INVS: variants seen among roughly 807,000 people sequenced by gnomAD.
INVS encodes the protein inversin, also known as inversion of embryo turning homolog.
A neutral mutation model predicts 108.8 loss-of-function variants in INVS; 86 were observed. The ratio of observed to expected loss-of-function variants is 0.79; its 90% CI spans 0.66 to 0.95. INVS has a LOEUF of 0.95. INVS is among the 40% of genes least tolerant of loss of function. INVS has a pLI of 0.00. For missense variants in INVS, 1,169 were observed against 1,297.4 expected, an observed-to-expected ratio of 0.90 and a Z score of 1.52; for synonymous variants, 455 against 473.5, an observed-to-expected ratio of 0.96 and a Z score of 0.51.
intron 3 of INVS, among the ~76,000 whole-genome samples, chr9:100,176,515 T>C (rs920145407): frequency 6.6e-6 from 1 of 152,154 alleles, no homozygotes; most frequent in Non-Finnish European, 1.5e-5. Flanking sequence ...CTCGCACTGC[T>C]GCCTGGGCTA....
chr9:100,228,604 G>A (rs951511454), intron 4 of INVS, among the ~76,000 whole-genome samples: 2 of 152,128 alleles, frequency 1.3e-5, no homozygotes, highest in Admixed American at 6.5e-5. Context: ...TGACTGGGCC[G>A]CTTTCTCTTT....
At chr9:100,178,321 A>G (rs1829778709) in intron 3 of INVS, among the ~76,000 whole-genome samples, 1 of 152,182 alleles carries the variant, frequency 6.6e-6, no homozygotes, top group Non-Finnish European at 1.5e-5. Context: ...GTGGGCAATA[A>G]TAAACTCCTC....
Position 100,292,204 on chromosome 9 carries a change from G to T in INVS, c.2069-122G>T, listed in dbSNP as rs1006629617. The T allele has an allele frequency of 8.9e-6, 8 of 900,382 alleles. No individual in the cohort carries two copies. In the Admixed American group the frequency reaches 1.1e-4, roughly 13 times the overall value. 55.8% of individuals were successfully genotyped at this position (900,382 alleles called of 1,614,324 possible). A position where few individuals can be genotyped will look rare whatever the true frequency, so the allele number is the denominator to read the frequency against. On this transcript the variant is annotated intron_variant, in intron 13 of 16. Coordinates refer to ENST00000262457, the MANE Select transcript of INVS (RefSeq NM_014425.5). ...TAGAAGTTAAACCGTTTTTTTCCTA[G>T]TCTGTAACTGCCACTATTATGGTGA... is the stretch of plus-strand genomic sequence containing the variant.
chr9:100,288,305 T>C (rs1833506877), intron 13 of INVS, among the ~76,000 whole-genome samples: 1 of 152,164 alleles, frequency 6.6e-6, no homozygotes. Flanking sequence ...TCTCAGCCTA[T>C]CTCCTGACTA....
chr9:100,210,908 T>C (rs1830811543), intron 3 of INVS, among the ~76,000 whole-genome samples: 1 of 152,080 alleles, frequency 6.6e-6, no homozygotes, highest in African/African-American at 2.4e-5. Flanking sequence ...AACAGACTTT[T>C]TTTTTAAGCT....
chr9:100,182,595 C>T (rs544172695), intron 3 of INVS, among the ~76,000 whole-genome samples: 3 of 152,162 alleles, frequency 2.0e-5, no homozygotes, highest in African/African-American at 7.2e-5. Context: ...CATCTCATGC[C>T]AGTTAGAATG....
At chr9:100,242,372 G>A (rs538446646) in intron 6 of INVS, among the ~76,000 whole-genome samples, 198 bp from the exon 7 acceptor site, 4 of 152,286 alleles carry the variant, frequency 2.6e-5, no homozygotes, top group African/African-American at 9.6e-5. Context: ...TAAGTTTTTA[G>A]TAAGTTTTCA....
At position 100,292,092 on chromosome 9, in the gene INVS, A is replaced by G. The variant is rs1833634754; in HGVS notation, c.2069-234A>G. On this transcript the variant is annotated intron_variant, in intron 13 of 16. Coordinates refer to ENST00000262457, the MANE Select transcript of INVS (RefSeq NM_014425.5). ...AGAGTTCCTTTATTTTCTTAAAGGCATGACAGTGCTTTCCAAAGGATATCC... is the reference window on the plus strand; with the variant it reads ...AGAGTTCCTTTATTTTCTTAAAGGCGTGACAGTGCTTTCCAAAGGATATCC... Among the ~76,000 whole-genome samples, 5 of 152,182 alleles carry G rather than the reference A, an allele frequency of 3.3e-5. No homozygotes were observed. The South Asian group carries it at 1.0e-3, about 32-fold the overall frequency.
At chr9:100,155,630 G>T (rs1828951687) in intron 3 of INVS, among the ~76,000 whole-genome samples, 1 of 152,184 alleles carries the variant, frequency 6.6e-6, no homozygotes, top group Admixed American at 6.5e-5. Context: ...CAGCCACTGG[G>T]CCCAGCCCAA....
At chr9:100,123,342 A>C (rs1205099360) in intron 2 of INVS, among the ~76,000 whole-genome samples, 1 of 152,202 alleles carries the variant, frequency 6.6e-6, no homozygotes, top group Non-Finnish European at 1.5e-5. Flanking sequence ...TTTCACATAA[A>C]TATAATTATA....
chr9:100,155,398 A>G (rs995833985), intron 3 of INVS, among the ~76,000 whole-genome samples: 4 of 152,144 alleles, frequency 2.6e-5, no homozygotes, highest in African/African-American at 9.7e-5. Context: ...GTGTAGTGGT[A>G]CAATCTTGGC....
At chr9:100,100,680 AATATATATATT>A (rs1826837509) in intron 1 of INVS, among the ~76,000 whole-genome samples, 3 of 40,762 alleles carry the variant, frequency 7.4e-5, no homozygotes, top group African/African-American at 4.8e-4. Flanking sequence ...ATGTACATAT[AATATATATATT>A]ATATATGTAC....
At chr9:100,279,153 G>A (rs1424414007) in intron 12 of INVS, among the ~76,000 whole-genome samples, 1 of 152,210 alleles carries the variant, frequency 6.6e-6, no homozygotes, top group Non-Finnish European at 1.5e-5. Context: ...AGAAATGGAA[G>A]CCGGATTGAA....
chr9:100,203,440 C>A (rs1001144879), intron 3 of INVS, among the ~76,000 whole-genome samples: 1 of 147,464 alleles, frequency 6.8e-6, no homozygotes, highest in Non-Finnish European at 1.5e-5. Context: ...AAAAGAAATA[C>A]AAATTATAAA....
intron 3 of INVS, among the ~76,000 whole-genome samples, chr9:100,169,158 TC>T (rs1413795774): frequency 6.6e-6 from 1 of 152,200 alleles, no homozygotes; most frequent in African/African-American, 2.4e-5. Flanking sequence ...AACAAATCTT[TC>T]ATTTATTCCA....
chr9:100,249,326 C>A (rs1342257305), intron 8 of INVS, among the ~76,000 whole-genome samples: 2 of 151,932 alleles, frequency 1.3e-5, no homozygotes, highest in Admixed American at 1.3e-4. Flanking sequence ...AAGGTGACTT[C>A]TAATTCTGAA....
At chr9:100,166,067 T>C (rs1829354663) in intron 3 of INVS, among the ~76,000 whole-genome samples, 2 of 152,202 alleles carry the variant, frequency 1.3e-5, no homozygotes, top group Admixed American at 6.5e-5. Flanking sequence ...ACTTAACCTC[T>C]TCTTACATCT....
intron 10 of INVS, among the ~76,000 whole-genome samples, chr9:100,261,806 A>G (rs1216454465): frequency 6.6e-6 from 1 of 152,196 alleles, no homozygotes; most frequent in African/African-American, 2.4e-5. Flanking sequence ...CCTTCAATAC[A>G]ATCTTGAATA....
chr9:100,246,859 T>C lies in INVS; in HGVS notation c.1078+72T>C, dbSNP rs1340372375. 3 of 1,319,916 alleles carry C rather than the reference T, an allele frequency of 2.3e-6. No individual in the cohort carries two copies. In the African/African-American group the frequency reaches 4.3e-5, roughly 19 times the overall value. 81.8% of individuals were successfully genotyped at this position (1,319,916 alleles called of 1,614,324 possible). On this transcript the variant is annotated intron_variant, in intron 8 of 16. Coordinates refer to ENST00000262457, the MANE Select transcript of INVS (RefSeq NM_014425.5). Reference sequence around the variant, plus strand: ...AGTGTAGATGTTGCTATAAAATTTGTAAAATAGCAACTTGAAATCATTGTT... The same window carrying C: ...AGTGTAGATGTTGCTATAAAATTTGCAAAATAGCAACTTGAAATCATTGTT...
Sources: gnomAD v4.1 joint callset for allele counts (sites outside exome capture counted in the v4.1 genomes callset) on GRCh38, gnomAD v4.1.1 for gene constraint, MANE v1.5 for transcripts, NCBI Gene and HGNC (gene_info 2026-07-23, HGNC 2026-07-21) for gene names.